The following DHX9 variants were observed in gnomAD, a reference collection of about 807,000 sequenced individuals.
The protein encoded by DHX9 is ATP-dependent RNA helicase A.
A neutral mutation model predicts 148.7 loss-of-function variants in DHX9; 27 were observed. That is an observed-to-expected ratio of 0.18 (90% CI 0.13 to 0.25). The LOEUF is 0.25. Ranked by LOEUF, DHX9 falls within the 10% of genes least tolerant of loss-of-function variation. The pLI is 1.00. For missense variants in DHX9, 796 were observed against 1,559.6 expected, an observed-to-expected ratio of 0.51 and a Z score of 8.25; for synonymous variants, 529 against 516.6, an observed-to-expected ratio of 1.02 and a Z score of -0.33.
intron 21 of DHX9, 64 bp downstream of exon 21, chr1:182,879,474 G>T (rs2102618194): frequency 7.5e-7 from 1 of 1,329,952 alleles, no homozygotes; most frequent in Non-Finnish European, 9.8e-7. Flanking sequence ...TGTTCTGGCA[G>T]ATAACACTTA....
chr1:182,881,223 T>C, intron 22 of DHX9, 41 bp from the exon 23 acceptor site: 1 of 1,583,080 alleles, frequency 6.3e-7, no homozygotes, highest in Non-Finnish European at 8.6e-7. Flanking sequence ...GGCAACAACA[T>C]TGTGATCTAG....
chr1:182,887,513 GTTTA>G lies in DHX9; in HGVS notation c.*83_*86del, dbSNP rs924065307. 1.2e-5 allele frequency: 16 copies of G among 1,312,722 alleles called. No individual in the cohort carries two copies. Among genetic ancestry groups the G allele is most frequent in the Middle Eastern group, 3.8e-4 (2 of 5,288 alleles). 81.3% of individuals were successfully genotyped at this position (1,312,722 alleles called of 1,614,324 possible). The stretch of plus-strand genomic sequence containing the variant: ...ATGTGTTACGTGTTTTTTCCAGTAT[GTTTA>G]TTTGCCACCAAAAAGTAAATGCATT... On this transcript the variant is annotated 3_prime_UTR_variant, in exon 28 of 28. Coordinates refer to ENST00000367549, the MANE Select transcript of DHX9 (RefSeq NM_001357.5).
intron 4 of DHX9, 51 bp from the exon 5 acceptor site, chr1:182,853,254 AG>A: frequency 1.6e-6 from 2 of 1,264,090 alleles, no homozygotes; most frequent in Non-Finnish European, 2.3e-6. Context: ...TAATGTATTT[AG>A]GATTTTTCTA....
chr1:182,866,528 G>A lies in DHX9; in HGVS notation c.1417G>A (p.Val473Ile), dbSNP rs367719735. ...GCCTGGAAAAAGCTGTGGCTACAGCGTTCGATTTGAGTCTATACTTCCTCG... is the reference window on the plus strand; with the variant it reads ...GCCTGGAAAAAGCTGTGGCTACAGCATTCGATTTGAGTCTATACTTCCTCG... ...EEPGKSCGYS[V>I]RFESILPRPH... The change falls in exon 13 of 28, where the codon GTT becomes ATT. Residue 473 changes from valine to isoleucine, a missense_variant. Val to Ile is a conservative substitution (Grantham distance 29). Around this residue, in one of 14 missense-constraint regions of DHX9, gnomAD observed 58 missense variants for 122.8 expected, o/e 0.47. Coordinates refer to ENST00000367549, the MANE Select transcript of DHX9 (RefSeq NM_001357.5). 2.5e-6 allele frequency: 4 copies of A among 1,614,144 alleles called. No individual in the cohort carries two copies. Among genetic ancestry groups the A allele is most frequent in the Non-Finnish European group, 3.4e-6 (4 of 1,180,016 alleles).
At chr1:182,858,331 A>C (rs577146284) in intron 8 of DHX9, 91 bp downstream of exon 8, 1 of 1,444,418 alleles carries the variant, frequency 6.9e-7, no homozygotes, top group South Asian at 1.3e-5. Flanking sequence ...TAATTTTAAG[A>C]ATCTTACCTC....
chr1:182,875,538 T>C (rs1030815203), intron 16 of DHX9, among the ~76,000 whole-genome samples: 7 of 152,182 alleles, frequency 4.6e-5, no homozygotes, highest in Non-Finnish European at 1.0e-4. Context: ...TGGACGACGA[T>C]AGTATAGAAA....
intron 8 of DHX9, 36 bp downstream of exon 8, chr1:182,858,276 G>T: frequency 6.3e-7 from 1 of 1,597,056 alleles, no homozygotes. Context: ...GTGAGATAGT[G>T]TGAGATTCAA....
At chr1:182,855,840 T>A in intron 6 of DHX9, 1 of 690,470 alleles carries the variant, frequency 1.4e-6, no homozygotes, top group Non-Finnish European at 1.8e-6. Flanking sequence ...CCAGAATGCA[T>A]AGTTATCAAA....
At chr1:182,864,915 T>C (rs185562742) in intron 12 of DHX9, among the ~76,000 whole-genome samples, 60 of 152,272 alleles carry the variant, frequency 3.9e-4, no homozygotes, top group African/African-American at 1.3e-3. Flanking sequence ...ATATTCAGTT[T>C]AGGAGTGATC....
Position 182,857,126 on chromosome 1 carries a change from C to T in DHX9, c.673+548C>T, listed in dbSNP as rs575982924. ...CCTCCCAAAGTGCTGGGATTACAGGCGTGAGCCACTGTGCCTGGTCTTAAA... is the reference window on the plus strand; with the variant it reads ...CCTCCCAAAGTGCTGGGATTACAGGTGTGAGCCACTGTGCCTGGTCTTAAA... On this transcript the variant is annotated intron_variant, in intron 7 of 27. Transcript: ENST00000367549. Among the ~76,000 whole-genome samples, 10 of 152,274 alleles carry T rather than the reference C, an allele frequency of 6.6e-5. No homozygotes were observed. The South Asian group carries it at 2.1e-3, about 32-fold the overall frequency.
At chr1:182,841,611 C>G (rs918119758) in intron 1 of DHX9, among the ~76,000 whole-genome samples, 1 of 152,212 alleles carries the variant, frequency 6.6e-6, no homozygotes, top group Non-Finnish European at 1.5e-5. Flanking sequence ...AGTTTGATGA[C>G]GTTAGACTTA....
At chr1:182,876,643 A>G in intron 18 of DHX9, 102 bp downstream of exon 18, 1 of 1,132,764 alleles carries the variant, frequency 8.8e-7, no homozygotes, top group Admixed American at 2.1e-5. Context: ...AACCCATCTA[A>G]ATTGAGGAAG....
chr1:182,876,945 A>C (rs1374988938), intron 19 of DHX9, 42 bp downstream of exon 19: 2 of 1,408,172 alleles, frequency 1.4e-6, no homozygotes. Context: ...CAGTGTTACT[A>C]ACTGGAAACT....
intron 19 of DHX9, 68 bp from the exon 20 acceptor site, chr1:182,877,932 ATAGTGGAAAGCATTCACTACT>A: frequency 4.9e-6 from 7 of 1,421,380 alleles, no homozygotes; most frequent in Non-Finnish European, 6.8e-6. Context: ...CTTTAACTAC[ATAGTGGAAAGCATTCACTACT>A]TAGTGGATAT....
intron 3 of DHX9, among the ~76,000 whole-genome samples, chr1:182,846,339 C>G (rs1668029605): frequency 6.6e-6 from 1 of 151,360 alleles, no homozygotes; most frequent in African/African-American, 2.4e-5. Flanking sequence ...CGGGTTCAAG[C>G]GATTCTCCTG....
chr1:182,857,071 T>C (rs1668264839), intron 7 of DHX9, among the ~76,000 whole-genome samples: 1 of 152,152 alleles, frequency 6.6e-6, no homozygotes. Context: ...ATGGTCTCTA[T>C]CTCCTGACCT....
At chr1:182,879,127 A>C (rs1648967028) in intron 20 of DHX9, 123 bp from the exon 21 acceptor site, 2 of 734,326 alleles carry the variant, frequency 2.7e-6, no homozygotes, top group African/African-American at 1.8e-5. Context: ...GTCCGATGGT[A>C]ATTGTAAAAT....
intron 3 of DHX9, among the ~76,000 whole-genome samples, chr1:182,849,290 A>T (rs1668088949): frequency 6.6e-6 from 1 of 152,208 alleles, no homozygotes; most frequent in South Asian, 2.1e-4. Context: ...ATCTGGCTGC[A>T]ACACTTTCAA....
At chr1:182,859,969 T>G (rs1373592321) in intron 11 of DHX9, 24 bp from the exon 12 acceptor site, 1 of 1,592,844 alleles carries the variant, frequency 6.3e-7, no homozygotes, top group South Asian at 1.1e-5. Context: ...GACATTTGAC[T>G]GAAGTGTGAC....
Sources: allele counts gnomAD v4.1 joint callset (sites outside exome capture counted in the v4.1 genomes callset), GRCh38; gene constraint gnomAD v4.1.1; regional missense constraint gnomAD v4.1.1; transcripts MANE v1.5; gene names NCBI Gene and HGNC (gene_info 2026-07-23, HGNC 2026-07-21).